DGKG: variants seen among roughly 807,000 people sequenced by gnomAD.
The protein encoded by DGKG is diacylglycerol kinase gamma.
DGKG carries 78 observed loss-of-function variants against 105.3 expected under a neutral mutation model. The ratio of observed to expected loss-of-function variants is 0.74; its 90% CI spans 0.62 to 0.89. The LOEUF is 0.89. Among genes scored for constraint, DGKG ranks in the 40% least tolerant of loss-of-function variants. The probability of loss-of-function intolerance (pLI) is 0.00; values close to 1 mark genes in which losing one functional copy is unlikely to be tolerated. For missense variants in DGKG, 958 were observed against 1,020.1 expected, an observed-to-expected ratio of 0.94 and a Z score of 0.83; for synonymous variants, 346 against 367.1, an observed-to-expected ratio of 0.94 and a Z score of 0.66.
At chr3:186,215,904 A>T in intron 20 of DGKG, among the ~76,000 whole-genome samples, 1 of 151,748 alleles carries the variant, frequency 6.6e-6, no homozygotes, top group South Asian at 2.1e-4. Flanking sequence ...CATCCATTAA[A>T]CATTTATGGA....
intron 21 of DGKG, among the ~76,000 whole-genome samples, chr3:186,193,665 G>A (rs1412428053): frequency 6.6e-6 from 1 of 152,182 alleles, no homozygotes; most frequent in Non-Finnish European, 1.5e-5. Flanking sequence ...TGCCGTCTGG[G>A]AAAGTGGAGC....
At chr3:186,298,828 T>C (rs1723725603) in intron 3 of DGKG, among the ~76,000 whole-genome samples, 2 of 152,330 alleles carry the variant, frequency 1.3e-5, no homozygotes, top group African/African-American at 4.8e-5. Context: ...ATGACTTTCA[T>C]AGTCCTGATC....
chr3:186,199,241 G>A (rs576384548), intron 21 of DGKG, among the ~76,000 whole-genome samples: 23 of 151,866 alleles, frequency 1.5e-4, no homozygotes, highest in Non-Finnish European at 1.9e-4. Context: ...GAGCCACCAC[G>A]CCTGGCTTTC....
chr3:186,232,096 T>C (rs762209901), intron 20 of DGKG, among the ~76,000 whole-genome samples: 31 of 152,234 alleles, frequency 2.0e-4, no homozygotes, highest in Non-Finnish European at 3.2e-4. Context: ...CCCTGCACGA[T>C]AGTAGAGCTG....
chr3:186,268,297 C>T (rs1256582582), intron 12 of DGKG, among the ~76,000 whole-genome samples: 1 of 152,208 alleles, frequency 6.6e-6, no homozygotes, highest in Non-Finnish European at 1.5e-5. Context: ...TCAGTGGCTG[C>T]CAGTGGCATT....
At chr3:186,343,083 A>G (rs1448054311) in intron 1 of DGKG, among the ~76,000 whole-genome samples, 4 of 152,202 alleles carry the variant, frequency 2.6e-5, no homozygotes, top group Non-Finnish European at 5.9e-5. Context: ...CTATGGGCCA[A>G]AAAAAGTTGG....
rs1181493471 is a variant in DGKG at position 186,267,707 on chromosome 3, G to A, written c.1187C>T (p.Thr396Ile). ...GELRDHILLP[T>I]SICPITRDRP... ...TACCCGGGTGATGGGGCATATGGAGGTGGGCAGTAAGATGTGGTCTCTGAG... is the reference window on the plus strand; with the variant it reads ...TACCCGGGTGATGGGGCATATGGAGATGGGCAGTAAGATGTGGTCTCTGAG... The change falls in exon 13 of 25, where the codon ACC becomes ATC. Residue 396 changes from threonine (T) to isoleucine (I), a missense_variant. Around this residue, in one of 2 missense-constraint regions of DGKG, gnomAD observed 643 missense variants for 619.5 expected, o/e 1.04. Transcript: ENST00000265022. The A allele has an allele frequency of 6.2e-7, 1 of 1,614,158 alleles. No homozygotes were observed. The highest frequency in any genetic ancestry group is 8.5e-7 in the Non-Finnish European group (1 of 1,180,000).
chr3:186,319,771 C>T (rs994424206), intron 2 of DGKG, among the ~76,000 whole-genome samples: 12 of 152,208 alleles, frequency 7.9e-5, no homozygotes, highest in African/African-American at 2.4e-4. Context: ...ACCCTACCAC[C>T]ACTGTGTCTT....
intron 18 of DGKG, among the ~76,000 whole-genome samples, chr3:186,252,467 C>T (rs1480505011): frequency 6.6e-6 from 1 of 152,242 alleles, no homozygotes; most frequent in Non-Finnish European, 1.5e-5. Flanking sequence ...TTGAGCTGAA[C>T]TTCTCCATTT....
chr3:186,245,399 C>T (rs533540322), intron 19 of DGKG, among the ~76,000 whole-genome samples: 2 of 152,230 alleles, frequency 1.3e-5, no homozygotes, highest in African/African-American at 4.8e-5. Context: ...AAAAGAGAGT[C>T]GAGATTCACT....
chr3:186,319,942 C>T lies in DGKG; in HGVS notation c.67+451G>A, dbSNP rs943517985. Among the ~76,000 whole-genome samples the T allele has an allele frequency of 5.9e-5, 9 of 152,200 alleles. 1 individual carries two copies. Among genetic ancestry groups the T allele is most frequent in the South Asian group, 4.1e-4 (2 of 4,832 alleles). ...AAATGCAGGAATATACTACAGTAAACGATTGAGTAACATTGTAGCCATGCA... is the reference window on the plus strand; with the variant it reads ...AAATGCAGGAATATACTACAGTAAATGATTGAGTAACATTGTAGCCATGCA... On this transcript the variant is annotated intron_variant, in intron 2 of 24. Transcript: ENST00000265022.
At chr3:186,358,020 A>T (rs1309468106) in intron 1 of DGKG, among the ~76,000 whole-genome samples, 1 of 152,256 alleles carries the variant, frequency 6.6e-6, no homozygotes, top group Admixed American at 6.5e-5. Context: ...ACAGCTCTAG[A>T]CACCTTTCAG....
intron 6 of DGKG, among the ~76,000 whole-genome samples, chr3:186,285,826 T>C (rs75030110): frequency 6.6e-6 from 1 of 152,054 alleles, no homozygotes; most frequent in Non-Finnish European, 1.5e-5. Context: ...ATTACAGGCA[T>C]GCACCACCAC....
At chr3:186,320,356 G>A (rs760269239) in intron 2 of DGKG, 37 bp downstream of exon 2, 13 of 1,613,180 alleles carry the variant, frequency 8.1e-6, no homozygotes. Flanking sequence ...CAGCCAAGAA[G>A]AAATCCCGTC....
intron 10 of DGKG, 106 bp downstream of exon 10, chr3:186,275,441 C>A: frequency 1.0e-6 from 1 of 996,384 alleles, no homozygotes; most frequent in South Asian, 1.5e-5. Flanking sequence ...GGTGGTCCCT[C>A]AAGCTGGGAA....
chr3:186,176,144 T>G (rs1453838806), intron 22 of DGKG, among the ~76,000 whole-genome samples: 2 of 152,180 alleles, frequency 1.3e-5, no homozygotes, highest in Admixed American at 6.5e-5. Flanking sequence ...GGCTACATGA[T>G]CTTATTAAAT....
At chr3:186,256,231 C>T (rs1330954536) in intron 17 of DGKG, among the ~76,000 whole-genome samples, 1 of 152,146 alleles carries the variant, frequency 6.6e-6, no homozygotes, top group Non-Finnish European at 1.5e-5. Flanking sequence ...AACCAAAGCG[C>T]CCGGGGGAGT....
In DGKG at chr3:186,362,147, G is replaced by A. The variant is rs1267837453; in HGVS notation, c.-450C>T. 1 of 152,396 alleles carries A rather than the reference G, an allele frequency of 6.6e-6. No homozygotes were observed. The highest frequency in any genetic ancestry group is 2.4e-5 in the African/African-American group (1 of 41,464). The allele number at this position is 152,396 out of a possible 1,614,324, so 9.4% of individuals were successfully genotyped here. On this transcript the variant is annotated 5_prime_UTR_variant, in exon 1 of 25. Transcript: ENST00000265022. ...CGCGGAGACCAGGCTGCCAGGCTGT[G>A]GTTGGTAGCGCCGGGGTCTTCACCC...
In DGKG at chr3:186,288,808, G is replaced by C. The variant is rs1723185665; in HGVS notation, c.446C>G (p.Pro149Arg). Residue 149 changes from proline to arginine, a missense_variant, in exon 6 of 25, where the codon CCT (proline) becomes CGT (arginine). Pro to Arg is a moderately radical substitution (Grantham distance 103). Transcript: ENST00000265022. The stretch of plus-strand genomic sequence containing the variant: ...TGGGGATTCCGAGCTTGAAGACCGA[G>C]GGACGGGGGGTTCCAGGGGGGTCGC... ...VAATPLEPPV[P>R]RSSSSESPVV... 1 of 1,612,834 alleles carries C rather than the reference G, an allele frequency of 6.2e-7. No individual in the cohort carries two copies. The highest frequency in any genetic ancestry group is 8.5e-7 in the Non-Finnish European group (1 of 1,179,420).
Sources: allele counts gnomAD v4.1 joint callset (sites outside exome capture counted in the v4.1 genomes callset), GRCh38; gene constraint gnomAD v4.1.1; regional missense constraint gnomAD v4.1.1; transcripts MANE v1.5; gene names NCBI Gene and HGNC (gene_info 2026-07-23, HGNC 2026-07-21).